TMEM45A: variants seen among roughly 807,000 people sequenced by gnomAD.
TMEM45A encodes the protein DNA polymerase-transactivated protein 4.
Under a neutral mutation model 32.0 loss-of-function variants are expected in TMEM45A, and 25 were observed. That is an observed-to-expected ratio of 0.78 (90% confidence interval 0.57 to 1.09). The LOEUF (loss-of-function observed/expected upper bound fraction) is 1.09. Among genes scored for constraint, TMEM45A ranks in the 50% least tolerant of loss-of-function variants. The pLI is 0.00. For missense variants in TMEM45A, 302 were observed against 325.0 expected, an observed-to-expected ratio of 0.93 and a Z score of 0.54; for synonymous variants, 122 against 114.8, an observed-to-expected ratio of 1.06 and a Z score of -0.40.
chr3:100,555,523 T>G (rs148101083), intron 2 of TMEM45A, 122 bp downstream of exon 2: 23 of 1,024,000 alleles, frequency 2.2e-5, no homozygotes, highest in Non-Finnish European at 3.2e-5. Context: ...GAATAAACCC[T>G]ATCAAAAACC....
intron 1 of TMEM45A, among the ~76,000 whole-genome samples, chr3:100,507,292 G>T (rs906459349): frequency 6.6e-6 from 1 of 152,154 alleles, no homozygotes; most frequent in Non-Finnish European, 1.5e-5. Flanking sequence ...TTCCCACTCT[G>T]CCTATACAGA....
In TMEM45A at chr3:100,493,123, T is replaced by A. The variant is rs1448395057; in HGVS notation, c.-4+195T>A. The stretch of plus-strand genomic sequence containing the variant: ...TTAATTTTTTTGGTTTGCTATTCTT[T>A]TTTTTTTTTTTTTTTTTTTGGTGAG... On this transcript the variant is annotated intron_variant, in intron 1 of 5. Coordinates refer to ENST00000323523, the MANE Select transcript of TMEM45A (RefSeq NM_018004.3). 7.7e-3 allele frequency among the ~76,000 whole-genome samples: 374 copies of A among 48,844 alleles called. 4 individuals carry two copies. The highest frequency in any genetic ancestry group is 0.022 in the East Asian group (47 of 2,100). The allele number at this position is 48,844 out of a possible 152,430, so 32.0% of individuals were successfully genotyped here.
intron 1 of TMEM45A, among the ~76,000 whole-genome samples, chr3:100,523,192 G>A (rs1021515032): frequency 5.9e-5 from 9 of 152,194 alleles, no homozygotes; most frequent in African/African-American, 2.2e-4. Context: ...AATGGTTGCA[G>A]GTGTCATAGA....
chr3:100,538,342 T>C (rs1279245751), intron 1 of TMEM45A, among the ~76,000 whole-genome samples: 1 of 150,536 alleles, frequency 6.6e-6, no homozygotes, highest in East Asian at 1.9e-4. Context: ...GGTCTTTCTT[T>C]TTTAAAAGAT....
At chr3:100,574,212 C>G (rs1198625125) in intron 5 of TMEM45A, 1 of 152,018 alleles carries the variant, frequency 6.6e-6, no homozygotes, top group Non-Finnish European at 1.5e-5. Context: ...AATCCAGGAG[C>G]TGGTTTTTTG....
chr3:100,497,383 C>G (rs1048544667), intron 1 of TMEM45A, among the ~76,000 whole-genome samples: 1 of 152,108 alleles, frequency 6.6e-6, no homozygotes, highest in African/African-American at 2.4e-5. Flanking sequence ...TAAGCAATTC[C>G]TTTTTTATTG....
intron 4 of TMEM45A, among the ~76,000 whole-genome samples, chr3:100,568,536 A>T (rs1706490702): frequency 6.6e-6 from 1 of 152,260 alleles, no homozygotes; most frequent in African/African-American, 2.4e-5. Context: ...TGCACAATGT[A>T]GAAACCCAAG....
intron 1 of TMEM45A, among the ~76,000 whole-genome samples, chr3:100,511,419 ATGC>A (rs1708157956): frequency 6.6e-6 from 1 of 150,938 alleles, no homozygotes; most frequent in African/African-American, 2.4e-5. Context: ...AGACAAGCAA[ATGC>A]TGAGAGATTT....
intron 1 of TMEM45A, among the ~76,000 whole-genome samples, chr3:100,503,509 A>G (rs1708035297): frequency 6.6e-6 from 1 of 152,172 alleles, no homozygotes; most frequent in African/African-American, 2.4e-5. Flanking sequence ...GAACTTCTCT[A>G]TATAAATTAA....
At chr3:100,555,067 G>T (rs763222032) in intron 1 of TMEM45A, 142 bp from the exon 2 acceptor site, 12 of 706,570 alleles carry the variant, frequency 1.7e-5, no homozygotes, top group Non-Finnish European at 2.8e-5. Context: ...AGTATGCACA[G>T]TAATGTAGGA....
At chr3:100,567,274 A>G (rs970775266) in intron 4 of TMEM45A, among the ~76,000 whole-genome samples, 1 of 151,868 alleles carries the variant, frequency 6.6e-6, no homozygotes, top group Non-Finnish European at 1.5e-5. Context: ...TTCTTTCCCC[A>G]TTGAATGGCT....
chr3:100,562,900 C>T (rs2148989111), intron 4 of TMEM45A, among the ~76,000 whole-genome samples: 1 of 152,270 alleles, frequency 6.6e-6, no homozygotes, highest in African/African-American at 2.4e-5. Context: ...GGAAGAGAGT[C>T]ACCAATGTGT....
At chr3:100,569,298 G>T (rs1421109008) in intron 5 of TMEM45A, among the ~76,000 whole-genome samples, 1 of 152,132 alleles carries the variant, frequency 6.6e-6, no homozygotes, top group African/African-American at 2.4e-5. Flanking sequence ...TGCCTATAGT[G>T]AGTCCTCCAT....
rs1367888144 is a variant in TMEM45A, at chr3:100,492,934, TTTTGGA to T, written c.-4+8_-4+13del. The stretch of plus-strand genomic sequence containing the variant: ...GAGTAAACAGACCAAGTTGGGTAAG[TTTTGGA>T]TACGTGCTGGATATCATATTTCTCT... On this transcript the variant is annotated splice_region_variant and intron_variant, in intron 1 of 5. Coordinates refer to ENST00000323523, the MANE Select transcript of TMEM45A (RefSeq NM_018004.3). 2 of 152,184 alleles carry T rather than the reference TTTTGGA, an allele frequency of 1.3e-5. No individual in the cohort carries two copies. Among genetic ancestry groups the T allele is most frequent in the East Asian group, 3.9e-4 (2 of 5,168 alleles). The allele number at this position is 152,184 out of a possible 1,614,324, so 9.4% of individuals were successfully genotyped here.
At chr3:100,523,690 C>CTTCTCCTTCTCCTCCTCCTCCT (rs1705481889) in intron 1 of TMEM45A, among the ~76,000 whole-genome samples, 1 of 70,116 alleles carries the variant, frequency 1.4e-5, no homozygotes, top group African/African-American at 1.0e-4. Flanking sequence ...CTTTCTCCTC[C>CTTCTCCTTCTCCTCCTCCTCCT]TTCTCCTTCT....
chr3:100,567,779 CTTCTTT>C (rs1261949265), intron 4 of TMEM45A, among the ~76,000 whole-genome samples: 1 of 151,828 alleles, frequency 6.6e-6, no homozygotes, highest in African/African-American at 2.4e-5. Context: ...ATGGAACTGT[CTTCTTT>C]TTCTTTTTCT....
chr3:100,512,756 G>A (rs1176445785), intron 1 of TMEM45A, among the ~76,000 whole-genome samples: 10 of 150,750 alleles, frequency 6.6e-5, no homozygotes, highest in Admixed American at 1.3e-4. Flanking sequence ...AAAGAGAGAA[G>A]AATCAAATAG....
At chr3:100,556,717 A>G (rs761678076) in intron 2 of TMEM45A, 43 bp from the exon 3 acceptor site, 11 of 1,547,086 alleles carry the variant, frequency 7.1e-6, no homozygotes, top group South Asian at 5.8e-5. Flanking sequence ...CTTGAATTCT[A>G]TGTAAAGCAG....
chr3:100,521,899 A>G (rs1026087855), intron 1 of TMEM45A, among the ~76,000 whole-genome samples: 1 of 152,164 alleles, frequency 6.6e-6, no homozygotes, highest in South Asian at 2.1e-4. Flanking sequence ...AGTAATGAGG[A>G]GTATTTATTT....
Sources: gnomAD v4.1 joint callset for allele counts (sites outside exome capture counted in the v4.1 genomes callset) on GRCh38, gnomAD v4.1.1 for gene constraint, MANE v1.5 for transcripts, NCBI Gene and HGNC (gene_info 2026-07-23, HGNC 2026-07-21) for gene names.